The following ARMC9 variants were observed in gnomAD, a reference collection of about 807,000 sequenced individuals.
The protein encoded by ARMC9 is armadillo repeat containing 9.
Under a neutral mutation model 107.0 loss-of-function variants are expected in ARMC9, and 94 were observed. The observed-to-expected ratio is 0.88, with a 90% CI of 0.74 to 1.04. The LOEUF is 1.04. Among genes scored for constraint, ARMC9 ranks in the 50% least tolerant of loss-of-function variants. The pLI is 0.00. For synonymous variants in ARMC9, 380 were observed against 396.9 expected, an observed-to-expected ratio of 0.96 and a Z score of 0.51; for missense variants, 942 against 1,030.1, an observed-to-expected ratio of 0.91 and a Z score of 1.17.
chr2:231,206,020 A>G (rs927191158), intron 1 of ARMC9, among the ~76,000 whole-genome samples, 178 bp from the exon 2 acceptor site: 3 of 152,118 alleles, frequency 2.0e-5, no homozygotes, highest in Non-Finnish European at 4.4e-5. Context: ...CTGATGAGCA[A>G]CCTTAATTCC....
intron 20 of ARMC9, among the ~76,000 whole-genome samples, chr2:231,343,836 G>A (rs2044660850): frequency 6.6e-6 from 1 of 151,796 alleles, no homozygotes. Flanking sequence ...CTACTGGGGA[G>A]GCTAAGGCAG....
rs1485764881 is a variant in ARMC9 at position 231,373,812 on chromosome 2, A to ATT, written c.*2277_*2278insTT. On this transcript the variant is annotated 3_prime_UTR_variant, in exon 25 of 25. Transcript: ENST00000611582. This position sits in a 1 kb window ranked among gnomAD's most constrained non-coding sequence, Gnocchi z 4.4. The stretch of plus-strand genomic sequence containing the variant: ...AGCTACTCAAGGAGGCTGAGGCACA[A>ATT]GAATAGCTTGAACCGGGAGATGGAA... The ATT allele has an allele frequency of 1.3e-5, 2 of 152,038 alleles. No individual in the cohort carries two copies. The highest frequency in any genetic ancestry group is 2.9e-5 in the Non-Finnish European group (2 of 68,008). The allele number at this position is 152,038 out of a possible 1,614,324, so 9.4% of individuals were successfully genotyped here.
At chr2:231,274,102 C>T (rs2039565993) in intron 14 of ARMC9, among the ~76,000 whole-genome samples, 2 of 152,100 alleles carry the variant, frequency 1.3e-5, no homozygotes, top group South Asian at 4.2e-4. Context: ...ATATGTACTC[C>T]ATTATGGCTA....
chr2:231,317,784 T>G (rs972684501), intron 19 of ARMC9, among the ~76,000 whole-genome samples: 4 of 152,212 alleles, frequency 2.6e-5, no homozygotes, highest in Admixed American at 6.5e-5. Context: ...GCTCATCTAT[T>G]GAATTCTTCA....
intron 12 of ARMC9, among the ~76,000 whole-genome samples, chr2:231,263,484 G>A (rs1040360587): frequency 3.9e-5 from 6 of 152,246 alleles, no homozygotes; most frequent in South Asian, 2.1e-4. Context: ...GAGCCTACTC[G>A]CACAATAACT....
rs755043246 is a variant in ARMC9, at chr2:231,345,055, C to G, written c.1959C>G (p.Pro653=). ...GCGGGGATGAGCCCCTGCAAAGGCCCGTCACCCCCGGCGGCCACAGAAACG... is the reference window on the plus strand; with the variant it reads ...GCGGGGATGAGCCCCTGCAAAGGCCGGTCACCCCCGGCGGCCACAGAAACG... ...QWSGDEPLQR[P]VTPGGHRNGY... The change falls in exon 21 of 25, where the codon CCC becomes CCG. Residue 653 remains proline (P), a synonymous_variant. Coordinates refer to ENST00000611582, the MANE Select transcript of ARMC9 (RefSeq NM_001352754.2). 3.1e-6 allele frequency: 5 copies of G among 1,613,628 alleles called. No homozygotes were observed. In the East Asian group the frequency reaches 8.9e-5, roughly 29 times the overall value.
chr2:231,319,091 G>A (rs768545992), intron 19 of ARMC9, among the ~76,000 whole-genome samples: 13 of 152,144 alleles, frequency 8.5e-5, no homozygotes, highest in South Asian at 2.1e-4. Flanking sequence ...AAGGACCTTG[G>A]CTTCTATCCT....
intron 11 of ARMC9, among the ~76,000 whole-genome samples, chr2:231,260,390 G>A (rs1438782955): frequency 1.3e-5 from 2 of 152,212 alleles, no homozygotes; most frequent in Non-Finnish European, 2.9e-5. Flanking sequence ...CAGTGGTTGA[G>A]CCAGCAGTTC....
intron 19 of ARMC9, among the ~76,000 whole-genome samples, chr2:231,318,155 A>G (rs1479462703): frequency 6.6e-6 from 1 of 151,838 alleles, no homozygotes; most frequent in Non-Finnish European, 1.5e-5. Context: ...TGTTGCTTTC[A>G]TTTGTTTGGT....
At chr2:231,209,691 A>G (rs907527192) in intron 3 of ARMC9, among the ~76,000 whole-genome samples, 1 of 152,010 alleles carries the variant, frequency 6.6e-6, no homozygotes, top group African/African-American at 2.4e-5. Context: ...ACACACCATC[A>G]TGCCCAGCTG....
chr2:231,310,852 C>T (rs192189316), intron 19 of ARMC9, among the ~76,000 whole-genome samples: 69 of 149,424 alleles, frequency 4.6e-4, no homozygotes, highest in South Asian at 1.5e-3. Context: ...GCAGGCCAGG[C>T]ACAGTGACTC....
intron 23 of ARMC9, among the ~76,000 whole-genome samples, chr2:231,366,438 T>C (rs57324740): frequency 0.22 from 32,807 of 152,134 alleles, 8,772 homozygotes; most frequent in African/African-American, 0.64. Context: ...TGGCTTATGC[T>C]TATAATCCTG....
At chr2:231,221,307 G>T (rs183323306) in intron 5 of ARMC9, among the ~76,000 whole-genome samples, 2 of 152,070 alleles carry the variant, frequency 1.3e-5, no homozygotes, top group Admixed American at 6.5e-5. Flanking sequence ...AGGACATATT[G>T]GATTAAGGTC....
At position 231,282,046 on chromosome 2, in the gene ARMC9, C is replaced by T. The variant is rs990916722; in HGVS notation, c.1552-13C>T. On this transcript the variant is annotated splice_polypyrimidine_tract_variant and intron_variant, in intron 16 of 24. Transcript: ENST00000611582. ...AAACTTGCAAATAACTGGTTTTTTTCCTCCCCTTAAAGATACAGCCGTATG... is the reference window on the plus strand; with the variant it reads ...AAACTTGCAAATAACTGGTTTTTTTTCTCCCCTTAAAGATACAGCCGTATG... The T allele has an allele frequency of 1.7e-5, 28 of 1,613,028 alleles. No homozygotes were observed. Among genetic ancestry groups the T allele is most frequent in the Non-Finnish European group, 2.3e-5 (27 of 1,179,442 alleles).
At chr2:231,345,885 A>G (rs2125584832) in intron 21 of ARMC9, among the ~76,000 whole-genome samples, 1 of 152,206 alleles carries the variant, frequency 6.6e-6, no homozygotes, top group East Asian at 1.9e-4. Flanking sequence ...CTCTATTGCA[A>G]TTTTGTAATG....
At chr2:231,237,492 G>A (rs2035828768) in intron 8 of ARMC9, among the ~76,000 whole-genome samples, 1 of 151,796 alleles carries the variant, frequency 6.6e-6, no homozygotes, top group Non-Finnish European at 1.5e-5. Context: ...TCTAAAAGTG[G>A]AATTGCTAGG....
chr2:231,247,531 A>G (rs1243548822), intron 9 of ARMC9, among the ~76,000 whole-genome samples: 1 of 152,110 alleles, frequency 6.6e-6, no homozygotes, highest in Non-Finnish European at 1.5e-5. Context: ...CCTTGGTGCA[A>G]TGCCCTGTGT....
chr2:231,271,120 G>A lies in ARMC9; in HGVS notation c.1210+48G>A, dbSNP rs748497828. 18 of 1,577,642 alleles carry A rather than the reference G, an allele frequency of 1.1e-5. No individual in the cohort carries two copies. The African/African-American group carries it at 2.0e-4, about 18-fold the overall frequency. Reference sequence around the variant, plus strand: ...AAGATAAGAGCTAGGTCATATTGATGTGCTTTTTCCTTTGAAAATGAGCGT... The same window carrying A: ...AAGATAAGAGCTAGGTCATATTGATATGCTTTTTCCTTTGAAAATGAGCGT... On this transcript the variant is annotated intron_variant, in intron 13 of 24. Coordinates refer to ENST00000611582, the MANE Select transcript of ARMC9 (RefSeq NM_001352754.2).
chr2:231,344,641 T>C (rs1003269817), intron 20 of ARMC9, among the ~76,000 whole-genome samples: 7 of 152,346 alleles, frequency 4.6e-5, no homozygotes, highest in African/African-American at 1.7e-4. Flanking sequence ...TGAAATCAAA[T>C]GTCCATCTTT....
Sources: gnomAD v4.1 joint callset for allele counts (sites outside exome capture counted in the v4.1 genomes callset) on GRCh38, gnomAD v4.1.1 for gene constraint, Gnocchi (gnomAD v3.1) non-coding constraint, MANE v1.5 for transcripts, NCBI Gene and HGNC (gene_info 2026-07-23, HGNC 2026-07-21) for gene names.